The following CEP104 variants were observed in gnomAD, a reference collection of about 807,000 sequenced individuals.
The protein encoded by CEP104 is centrosomal protein 104, also known as centrosomal protein of 104 kDa.
Under a neutral mutation model 113.3 loss-of-function variants are expected in CEP104, and 84 were observed. That is an observed-to-expected ratio of 0.74 (90% CI 0.62 to 0.89). The LOEUF (loss-of-function observed/expected upper bound fraction) is 0.89. Among genes scored for constraint, CEP104 ranks in the 40% least tolerant of loss-of-function variants. The pLI, the probability that CEP104 is intolerant of heterozygous loss-of-function variation, is 0.00. For missense variants in CEP104, 1,053 were observed against 1,156.6 expected, an observed-to-expected ratio of 0.91 and a Z score of 1.30; for synonymous variants, 378 against 421.7, an observed-to-expected ratio of 0.90 and a Z score of 1.27.
At position 3,823,113 on chromosome 1, in the gene CEP104, A is replaced by G; in HGVS notation, c.2571+61T>C. The G allele has an allele frequency of 6.7e-7, 1 of 1,502,286 alleles. No individual in the cohort carries two copies. The highest frequency in any genetic ancestry group is 9.3e-7 in the Non-Finnish European group (1 of 1,080,566). 93.1% of individuals were successfully genotyped at this position (1,502,286 alleles called of 1,614,324 possible). ...CCGCACTGACACCACCACTGTCACC[A>G]CCACTGCCATCCACAGGTGTGTCAC... On this transcript the variant is annotated intron_variant, in intron 20 of 21. Transcript: ENST00000378230. This position sits in a 1 kb window ranked among gnomAD's most constrained non-coding sequence, Gnocchi z 4.1.
At chr1:3,820,668 T>A (rs563085822) in intron 20 of CEP104, among the ~76,000 whole-genome samples, 3 of 152,194 alleles carry the variant, frequency 2.0e-5, no homozygotes, top group Non-Finnish European at 2.9e-5. Flanking sequence ...GTATTTACAG[T>A]TGGTGGCACT....
chr1:3,841,265 C>T (rs924720717), intron 6 of CEP104, among the ~76,000 whole-genome samples: 1 of 152,082 alleles, frequency 6.6e-6, no homozygotes, highest in Admixed American at 6.6e-5. Context: ...TAGGAATAGG[C>T]CCCCTTTAAG....
At chr1:3,849,096 C>A (rs1373342528) in intron 2 of CEP104, among the ~76,000 whole-genome samples, 1 of 152,006 alleles carries the variant, frequency 6.6e-6, no homozygotes, top group Non-Finnish European at 1.5e-5. Context: ...TCTTATGAGG[C>A]GGCACTAGTG....
At chr1:3,843,322 T>C in intron 6 of CEP104, 1 of 502,314 alleles carries the variant, frequency 2.0e-6, no homozygotes, top group Non-Finnish European at 3.6e-6. Flanking sequence ...GTTCTTACAC[T>C]GCTAAAAAAA....
rs779572337 is a variant in CEP104, at chr1:3,839,002, C to T, written c.853G>A (p.Glu285Lys). 9.3e-6 allele frequency: 15 copies of T among 1,614,026 alleles called. No individual in the cohort carries two copies. Among genetic ancestry groups the T allele is most frequent in the Middle Eastern group, 1.6e-4 (1 of 6,084 alleles). ...QMEQYRAEVY[E>K]QLELHSLLDA... ...AGGAGGCTGTGCAGCTCCAGCTGCT[C>T]GTACACCTCGGCACGATACTGCTCC... The change falls in exon 8 of 22, where the codon GAG becomes AAG. Residue 285 changes from glutamate to lysine, a missense_variant. Transcript: ENST00000378230.
In CEP104 at chr1:3,845,209, A is replaced by AT. The variant is rs538778049; in HGVS notation, c.489+79dup. 5.6e-4 allele frequency: 591 copies of AT among 1,053,720 alleles called. 4 individuals carry two copies. In the African/African-American group the frequency reaches 7.4e-3, roughly 13 times the overall value. 65.3% of individuals were successfully genotyped at this position (1,053,720 alleles called of 1,614,324 possible). A position where few individuals can be genotyped will look rare whatever the true frequency, so the allele number is the denominator to read the frequency against. On this transcript the variant is annotated intron_variant, in intron 5 of 21. Transcript: ENST00000378230. Reference sequence around the variant, plus strand: ...TTTATGCAGATTATAAAAATGACACATTTTTTGGGTGAAAATAAATGACTC... The same window carrying AT: ...TTTATGCAGATTATAAAAATGACACATTTTTTTGGGTGAAAATAAATGACTC...
At chr1:3,836,471 T>G (rs1644314361) in intron 10 of CEP104, 24 bp downstream of exon 10, 1 of 1,145,836 alleles carries the variant, frequency 8.7e-7, no homozygotes, top group East Asian at 3.5e-5. Flanking sequence ...CCACCCCGTT[T>G]TTTTTTTTTT....
chr1:3,841,735 G>A (rs970148435), intron 6 of CEP104, among the ~76,000 whole-genome samples: 17 of 152,176 alleles, frequency 1.1e-4, no homozygotes, highest in Non-Finnish European at 4.4e-5. Context: ...CCCGGGCGTG[G>A]GGCAGGACAG....
rs530874961 is a variant in CEP104 at position 3,829,152 on chromosome 1, C to T, written c.2151+114G>A. On this transcript the variant is annotated intron_variant, in intron 15 of 21. Coordinates refer to ENST00000378230, the MANE Select transcript of CEP104 (RefSeq NM_014704.4). ...ACTAACCTAAAAAACCAAAAGGAAT[C>T]AAGACGCTCATTTGCATAATCCCAT... The T allele has an allele frequency of 1.4e-5, 10 of 731,230 alleles. No individual in the cohort carries two copies. In the East Asian group the frequency reaches 3.0e-4, roughly 22 times the overall value. 45.3% of individuals were successfully genotyped at this position (731,230 alleles called of 1,614,324 possible). A position where few individuals can be genotyped will look rare whatever the true frequency, so the allele number is the denominator to read the frequency against.
intron 2 of CEP104, among the ~76,000 whole-genome samples, chr1:3,851,211 G>C (rs545492074): frequency 6.6e-6 from 1 of 152,106 alleles, no homozygotes; most frequent in African/African-American, 2.4e-5. Flanking sequence ...GGCCCCTTCT[G>C]CTTGACTCTT....
At chr1:3,825,437 C>A (rs1462872105) in intron 18 of CEP104, among the ~76,000 whole-genome samples, 1 of 152,138 alleles carries the variant, frequency 6.6e-6, no homozygotes, top group African/African-American at 2.4e-5. Flanking sequence ...GCAAGAAATC[C>A]AACATGACGC....
chr1:3,837,793 G>A (rs570903182), intron 8 of CEP104, among the ~76,000 whole-genome samples: 15 of 152,360 alleles, frequency 9.8e-5, no homozygotes, highest in Admixed American at 7.8e-4. Context: ...GAAGGAATGA[G>A]CATTTGTGCA....
chr1:3,826,604 G>C (rs1004435849), intron 16 of CEP104, 104 bp downstream of exon 16: 30 of 1,402,008 alleles, frequency 2.1e-5, no homozygotes, highest in Non-Finnish European at 2.8e-5. Flanking sequence ...GATACTTGCT[G>C]AATGGACAGA....
At chr1:3,829,174 C>G (rs1644150555) in intron 15 of CEP104, 92 bp downstream of exon 15, 2 of 872,354 alleles carry the variant, frequency 2.3e-6, no homozygotes, top group East Asian at 5.6e-5. Flanking sequence ...TTGCATAATC[C>G]CATGAAAAAT....
In CEP104 at chr1:3,847,198, T is replaced by A. The variant is rs79722905; in HGVS notation, c.426+277A>T. ...AATTGACATAAAAGTTCTCATGAAC[T>A]CTTTCGCGTTCTCCTTTTGTACTGA... On this transcript the variant is annotated intron_variant, in intron 4 of 21. Coordinates refer to ENST00000378230, the MANE Select transcript of CEP104 (RefSeq NM_014704.4). Among the ~76,000 whole-genome samples the A allele has an allele frequency of 0.022, 3,286 of 152,332 alleles. 116 individuals are homozygous for A. The highest frequency in any genetic ancestry group is 0.075 in the African/African-American group (3,129 of 41,550).
chr1:3,826,979 C>G (rs996524800), intron 15 of CEP104, among the ~76,000 whole-genome samples: 2 of 146,756 alleles, frequency 1.4e-5, no homozygotes, highest in Non-Finnish European at 3.1e-5. Flanking sequence ...CAAACAAAAC[C>G]CTGTCTCTAC....
At chr1:3,852,563 C>T in intron 1 of CEP104, 142 bp from the exon 2 acceptor site, 1 of 750,556 alleles carries the variant, frequency 1.3e-6, no homozygotes, top group South Asian at 2.2e-5. Flanking sequence ...TGAAAAGAGT[C>T]TATTTTTTTT....
intron 12 of CEP104, 198 bp downstream of exon 12, chr1:3,833,664 C>A: frequency 2.3e-6 from 1 of 440,032 alleles, no homozygotes; most frequent in African/African-American, 2.0e-5. Flanking sequence ...TTGGAAAAAC[C>A]CAACTGTAGA....
At chr1:3,829,565 G>T in intron 14 of CEP104, 192 bp from the exon 15 acceptor site, 1 of 653,756 alleles carries the variant, frequency 1.5e-6, no homozygotes, top group Non-Finnish European at 2.6e-6. Flanking sequence ...GTGTCCTCAC[G>T]GCTATCGTTA....
Sources: gnomAD v4.1 joint callset for allele counts (sites outside exome capture counted in the v4.1 genomes callset) on GRCh38, gnomAD v4.1.1 for gene constraint, Gnocchi (gnomAD v3.1) non-coding constraint, MANE v1.5 for transcripts, NCBI Gene and HGNC (gene_info 2026-07-23, HGNC 2026-07-21) for gene names.